Variants in SBF2 observed in about 807,000 individuals in gnomAD.
SBF2 encodes the protein SET binding factor 2.
Under a neutral mutation model 225.2 loss-of-function variants are expected in SBF2, and 112 were observed. That is an observed-to-expected ratio of 0.50 (90% confidence interval 0.43 to 0.58). The LOEUF (loss-of-function observed/expected upper bound fraction) is 0.58, where lower values mean the gene tolerates loss of function less well. Ranked by LOEUF, SBF2 falls within the 20% of genes least tolerant of loss-of-function variation. SBF2 has a pLI of 0.00. For missense variants in SBF2, 1,996 were observed against 2,206.2 expected (o/e 0.90, Z 1.91); for synonymous variants, 763 against 773.3 (o/e 0.99, Z 0.22).
intron 1 of SBF2, among the ~76,000 whole-genome samples, chr11:10,222,323 G>A (rs1304285953): frequency 6.6e-6 from 1 of 152,192 alleles, no homozygotes; most frequent in Non-Finnish European, 1.5e-5. Context: ...ACTCCAGGAT[G>A]ATCCAGATGT....
intron 6 of SBF2, among the ~76,000 whole-genome samples, chr11:10,003,536 T>G (rs1948064885): frequency 6.6e-6 from 1 of 151,950 alleles, no homozygotes; most frequent in African/African-American, 2.4e-5. Context: ...CCCAGCTAAT[T>G]TTTTCTATTT....
At chr11:9,850,381 G>A (rs1006732005) in intron 21 of SBF2, among the ~76,000 whole-genome samples, 163 bp from the exon 22 acceptor site, 1 of 152,064 alleles carries the variant, frequency 6.6e-6, no homozygotes, top group Admixed American at 6.6e-5. Context: ...TCAGCCTCCT[G>A]AGTAGCTGAG....
At chr11:9,836,095 T>TAC (rs1855720658) in intron 26 of SBF2, among the ~76,000 whole-genome samples, 7 of 152,174 alleles carry the variant, frequency 4.6e-5, no homozygotes, top group Non-Finnish European at 4.4e-5. Flanking sequence ...TTTTACTCTC[T>TAC]TGATGATATC....
At position 10,227,603 on chromosome 11, in the gene SBF2, G is replaced by C. The variant is rs187801385; in HGVS notation, c.56-33616C>G. On this transcript the variant is annotated intron_variant, in intron 1 of 39. Transcript: ENST00000256190. The stretch of plus-strand genomic sequence containing the variant: ...AATCTGTTCCCCATTGCTTGTTTTT[G>C]TCAGGTTTGACAAAGATCAGATAGT... 1.8e-3 allele frequency among the ~76,000 whole-genome samples: 280 copies of C among 152,218 alleles called. 1 individual carries two copies. The highest frequency in any genetic ancestry group is 3.4e-3 in the Middle Eastern group (1 of 294).
intron 3 of SBF2, among the ~76,000 whole-genome samples, chr11:10,035,379 A>G (rs976005410): frequency 1.3e-5 from 2 of 152,214 alleles, no homozygotes; most frequent in African/African-American, 4.8e-5. Flanking sequence ...CTAAAACACC[A>G]AAAGCAATGG....
intron 17 of SBF2, among the ~76,000 whole-genome samples, chr11:9,895,387 G>A (rs1311828800): frequency 6.6e-6 from 1 of 152,166 alleles, no homozygotes; most frequent in African/African-American, 2.4e-5. Context: ...AAAGAAATTT[G>A]CTGGTTTTTT....
At chr11:9,791,766 C>T (rs1326536440) in intron 33 of SBF2, among the ~76,000 whole-genome samples, 1 of 152,222 alleles carries the variant, frequency 6.6e-6, no homozygotes, top group Non-Finnish European at 1.5e-5. Flanking sequence ...CGCCTTGAGG[C>T]ATGGATTAGA....
intron 2 of SBF2, among the ~76,000 whole-genome samples, chr11:10,122,907 T>A (rs1953546230): frequency 6.6e-6 from 1 of 152,218 alleles, no homozygotes; most frequent in African/African-American, 2.4e-5. Context: ...TATATTAGTA[T>A]GTGCTCTCAG....
chr11:10,269,335 G>C (rs1962275227), intron 1 of SBF2, among the ~76,000 whole-genome samples: 1 of 152,126 alleles, frequency 6.6e-6, no homozygotes, highest in Admixed American at 6.5e-5. Context: ...GAAAAGATAG[G>C]CGTGCCAGTT....
At chr11:10,008,570 C>T (rs1453686891) in intron 6 of SBF2, among the ~76,000 whole-genome samples, 1 of 144,632 alleles carries the variant, frequency 6.9e-6, no homozygotes, top group Non-Finnish European at 1.5e-5. Flanking sequence ...TCCAATTTGC[C>T]CTAGGAATAT....
intron 6 of SBF2, among the ~76,000 whole-genome samples, chr11:10,023,044 G>T (rs928202073): frequency 1.1e-4 from 16 of 152,014 alleles, no homozygotes; most frequent in Non-Finnish European, 2.1e-4. Context: ...GTTCATTGAG[G>T]ATTGCAAAAT....
chr11:10,174,702 A>C (rs1290234831), intron 2 of SBF2, among the ~76,000 whole-genome samples: 1 of 152,288 alleles, frequency 6.6e-6, no homozygotes, highest in East Asian at 1.9e-4. Flanking sequence ...TCCAAGACAC[A>C]TAATTGTCAG....
At chr11:10,037,521 T>C (rs1023319212) in intron 3 of SBF2, among the ~76,000 whole-genome samples, 4 of 152,042 alleles carry the variant, frequency 2.6e-5, no homozygotes, top group Non-Finnish European at 5.9e-5. Context: ...CTAAGGTTTT[T>C]CCAATGAGAT....
chr11:10,090,208 G>A (rs1260880484), intron 2 of SBF2, among the ~76,000 whole-genome samples: 9 of 152,276 alleles, frequency 5.9e-5, no homozygotes, highest in East Asian at 1.9e-4. Context: ...ATTGTTTAAC[G>A]GGTACAGCAT....
intron 2 of SBF2, among the ~76,000 whole-genome samples, chr11:10,130,797 C>T (rs1415173406): frequency 6.6e-6 from 1 of 152,082 alleles, no homozygotes; most frequent in Non-Finnish European, 1.5e-5. Context: ...CAGTATGTGT[C>T]TTTTTGAGAC....
At chr11:9,789,476 A>C (rs984098277) in intron 34 of SBF2, 134 bp from the exon 35 acceptor site, 26 of 644,010 alleles carry the variant, frequency 4.0e-5, no homozygotes, top group Non-Finnish European at 6.9e-5. Context: ...ATATTTCTAA[A>C]TATTTAAAAA....
At chr11:9,847,516 T>C (rs1437478848) in intron 22 of SBF2, among the ~76,000 whole-genome samples, 1 of 60,116 alleles carries the variant, frequency 1.7e-5, no homozygotes, top group Admixed American at 1.6e-4. Context: ...AGGGAGGTTT[T>C]ACAAAAAAAA....
At chr11:9,799,563 G>GT (rs1326735332) in intron 32 of SBF2, among the ~76,000 whole-genome samples, 1 of 152,144 alleles carries the variant, frequency 6.6e-6, no homozygotes, top group African/African-American at 2.4e-5. Flanking sequence ...CATTTCTTTG[G>GT]TGGAAAAAGA....
chr11:9,852,483 G>T (rs760870350), intron 21 of SBF2, among the ~76,000 whole-genome samples, 193 bp downstream of exon 21: 3 of 152,128 alleles, frequency 2.0e-5, no homozygotes, highest in African/African-American at 7.2e-5. Flanking sequence ...TCTAAGAAAA[G>T]ATTCTGTTCC....
Sources: allele counts gnomAD v4.1 joint callset (sites outside exome capture counted in the v4.1 genomes callset), GRCh38; gene constraint gnomAD v4.1.1; transcripts MANE v1.5; gene names NCBI Gene and HGNC (gene_info 2026-07-23, HGNC 2026-07-21).